GRID2: variants seen among roughly 807,000 people sequenced by gnomAD.
The protein encoded by GRID2 is glutamate ionotropic receptor delta type subunit 2, also known as glutamate receptor ionotropic, delta-2.
In GRID2, 33 loss-of-function variants were observed where a neutral mutation model predicts 114.8. The ratio of observed to expected loss-of-function variants is 0.29; its 90% confidence interval spans 0.22 to 0.38. GRID2 has a LOEUF of 0.38. Among genes scored for constraint, GRID2 ranks in the 10% least tolerant of loss-of-function variants. The pLI, the probability that GRID2 is intolerant of heterozygous loss-of-function variation, is 1.00. For synonymous variants in GRID2, 505 were observed against 449.9 expected (o/e 1.12, Z -1.55); for missense variants, 1,184 against 1,257.7 (o/e 0.94, Z 0.89).
At chr4:93,691,469 C>A (rs17021000) in intron 14 of GRID2, among the ~76,000 whole-genome samples, 6,240 of 151,980 alleles carry the variant, frequency 0.041, 193 homozygotes, top group African/African-American at 0.081. Flanking sequence ...GAAAAGTGTC[C>A]AGGGTTTTGT....
intron 2 of GRID2, among the ~76,000 whole-genome samples, chr4:92,850,770 G>A (rs373128238): frequency 4.6e-5 from 7 of 151,902 alleles, no homozygotes; most frequent in South Asian, 2.1e-4. Context: ...CTGTTGAATC[G>A]AGACCCACAA....
At chr4:92,531,046 T>C (rs1725329450) in intron 1 of GRID2, among the ~76,000 whole-genome samples, 1 of 152,158 alleles carries the variant, frequency 6.6e-6, no homozygotes, top group Non-Finnish European at 1.5e-5. Flanking sequence ...CATATACTGA[T>C]GTATTTACAA....
intron 2 of GRID2, among the ~76,000 whole-genome samples, chr4:92,855,249 T>G (rs1438752819): frequency 6.6e-6 from 1 of 152,086 alleles, no homozygotes; most frequent in Non-Finnish European, 1.5e-5. Flanking sequence ...ATTAAGTTTC[T>G]ACCTCTGTAT....
intron 8 of GRID2, among the ~76,000 whole-genome samples, chr4:93,375,173 T>C (rs1763257909): frequency 6.6e-6 from 1 of 151,776 alleles, no homozygotes; most frequent in Non-Finnish European, 1.5e-5. Context: ...GCTGCCACTT[T>C]AGAGTATCTT....
intron 4 of GRID2, among the ~76,000 whole-genome samples, chr4:93,189,895 C>T (rs1356673949): frequency 1.3e-5 from 2 of 151,342 alleles, no homozygotes; most frequent in Non-Finnish European, 2.9e-5. Context: ...AAAAAACCTG[C>T]AATAGATCAA....
At chr4:93,109,732 TAAAAGA>T (rs979425975) in intron 3 of GRID2, among the ~76,000 whole-genome samples, 1 of 152,152 alleles carries the variant, frequency 6.6e-6, no homozygotes, top group African/African-American at 2.4e-5. Context: ...CATGATATAG[TAAAAGA>T]AAATCTACTA....
At chr4:93,127,825 G>C (rs1045041155) in intron 4 of GRID2, among the ~76,000 whole-genome samples, 4 of 151,644 alleles carry the variant, frequency 2.6e-5, no homozygotes, top group African/African-American at 9.7e-5. Flanking sequence ...AAGCCAGCCT[G>C]GGCAACATAG....
chr4:92,415,895 A>G (rs1315976205), intron 1 of GRID2, among the ~76,000 whole-genome samples: 1 of 150,422 alleles, frequency 6.6e-6, no homozygotes, highest in African/African-American at 2.4e-5. Context: ...TCATATAGTG[A>G]CTTCTTTTCC....
chr4:92,601,071 C>G (rs1560482549), intron 2 of GRID2, among the ~76,000 whole-genome samples: 1 of 152,164 alleles, frequency 6.6e-6, no homozygotes. Context: ...TCCCTACACT[C>G]CTGCCTGAAG....
intron 13 of GRID2, among the ~76,000 whole-genome samples, chr4:93,566,149 T>C (rs1272680164): frequency 6.6e-6 from 1 of 152,094 alleles, no homozygotes; most frequent in African/African-American, 2.4e-5. Context: ...ATTTAGAGAA[T>C]GGAAAAGCAA....
chr4:92,455,010 T>C (rs1441933252), intron 1 of GRID2, among the ~76,000 whole-genome samples: 2 of 152,166 alleles, frequency 1.3e-5, no homozygotes, highest in Non-Finnish European at 2.9e-5. Context: ...TTCTACTGTA[T>C]GTCTAGCTGT....
At chr4:93,676,670 C>T (rs1361478054) in intron 14 of GRID2, among the ~76,000 whole-genome samples, 1 of 151,062 alleles carries the variant, frequency 6.6e-6, no homozygotes, top group Admixed American at 6.6e-5. Context: ...TTGTTCAATT[C>T]CCACCTATGA....
intron 2 of GRID2, among the ~76,000 whole-genome samples, chr4:92,943,313 A>G (rs988628707): frequency 6.6e-5 from 10 of 151,272 alleles, no homozygotes; most frequent in African/African-American, 2.2e-4. Context: ...ACTTCATTTC[A>G]TTCATTTCAT....
intron 1 of GRID2, among the ~76,000 whole-genome samples, chr4:93,795,098 C>T (rs1342834593): frequency 2.6e-5 from 4 of 151,946 alleles, no homozygotes; most frequent in Non-Finnish European, 5.9e-5. Context: ...AGACAAAAAA[C>T]TAAGAGATAC....
intron 2 of GRID2, among the ~76,000 whole-genome samples, chr4:92,674,686 T>C (rs1221941218): frequency 6.6e-6 from 1 of 152,056 alleles, no homozygotes; most frequent in African/African-American, 2.4e-5. Context: ...CATGCCCAGC[T>C]AATTTTTTGT....
chr4:92,668,646 A>G (rs919095554), intron 2 of GRID2, among the ~76,000 whole-genome samples: 2 of 151,820 alleles, frequency 1.3e-5, no homozygotes, highest in Admixed American at 1.3e-4. Context: ...CAGAATTGGC[A>G]TATATCTGAT....
intron 2 of GRID2, among the ~76,000 whole-genome samples, chr4:92,785,658 G>A (rs1434473967): frequency 6.6e-6 from 1 of 151,614 alleles, no homozygotes; most frequent in African/African-American, 2.4e-5. Context: ...GATATTCCTA[G>A]TGTTTTGTCA....
chr4:93,042,243 T>G (rs1236048603), intron 2 of GRID2, among the ~76,000 whole-genome samples: 2 of 142,394 alleles, frequency 1.4e-5, no homozygotes, highest in African/African-American at 5.2e-5. Flanking sequence ...ATAATATATT[T>G]TAAATCTCTC....
intron 1 of GRID2, among the ~76,000 whole-genome samples, chr4:92,439,748 A>G (rs1732935461): frequency 6.8e-6 from 1 of 146,182 alleles, no homozygotes; most frequent in Non-Finnish European, 1.5e-5. Context: ...GACTCAGGAC[A>G]TCTGATGAGA....
Sources: allele counts gnomAD v4.1 joint callset (sites outside exome capture counted in the v4.1 genomes callset), GRCh38; gene constraint gnomAD v4.1.1; transcripts MANE v1.5; gene names NCBI Gene and HGNC (gene_info 2026-07-23, HGNC 2026-07-21).